RALGPS1: variants seen among roughly 807,000 people sequenced by gnomAD.
RALGPS1 encodes ras-specific guanine nucleotide-releasing factor RalGPS1.
Under a neutral mutation model 78.8 loss-of-function variants are expected in RALGPS1, and 19 were observed. The observed-to-expected ratio is 0.24, with a 90% CI of 0.17 to 0.35. The LOEUF is 0.35. Ranked by LOEUF, RALGPS1 falls within the 10% of genes least tolerant of loss-of-function variation. The probability of loss-of-function intolerance (pLI) is 1.00; values close to 1 mark genes in which losing one functional copy is unlikely to be tolerated. For synonymous variants in RALGPS1, 228 were observed against 256.3 expected, an observed-to-expected ratio of 0.89 and a Z score of 1.06; for missense variants, 454 against 688.3, an observed-to-expected ratio of 0.66 and a Z score of 3.81.
chr9:127,048,950 T>C (rs1459509215), intron 5 of RALGPS1, among the ~76,000 whole-genome samples: 7 of 152,264 alleles, frequency 4.6e-5, no homozygotes, highest in African/African-American at 1.7e-4. Context: ...TGTTGATTCT[T>C]GGTTTCTCTT....
At chr9:127,108,634 C>A (rs771374120) in intron 8 of RALGPS1, 1 of 1,613,736 alleles carries the variant, frequency 6.2e-7, no homozygotes, top group South Asian at 1.1e-5. Context: ...TCTTGGCGAG[C>A]CCTCCTCAGT....
chr9:127,152,709 T>A (rs1251170826), intron 8 of RALGPS1, among the ~76,000 whole-genome samples: 2 of 152,154 alleles, frequency 1.3e-5, no homozygotes, highest in Non-Finnish European at 2.9e-5. Flanking sequence ...TAAGTCTTAG[T>A]TGGTAAGGAG....
intron 1 of RALGPS1, among the ~76,000 whole-genome samples, chr9:126,923,299 G>A (rs923043481): frequency 2.0e-4 from 30 of 152,174 alleles, no homozygotes; most frequent in African/African-American, 7.0e-4. Context: ...AGCTTAGAGA[G>A]GTTAAACACA....
chr9:127,195,193 G>C lies in RALGPS1; in HGVS notation c.1013G>C (p.Arg338Thr). The C allele has an allele frequency of 6.2e-7, 1 of 1,611,758 alleles. No individual in the cohort carries two copies. The highest frequency in any genetic ancestry group is 1.1e-5 in the South Asian group (1 of 91,084). ...SLPTPPVPRH[R>T]KSHSLGNNMM... Reference sequence around the variant, plus strand: ...CCCACACCTCCAGTCCCCAGACACAGGAAGAGCCACAGCCTAGGCAACAAG... The same window carrying C: ...CCCACACCTCCAGTCCCCAGACACACGAAGAGCCACAGCCTAGGCAACAAG... Residue 338 changes from arginine (R) to threonine (T), a missense_variant, in exon 12 of 19, where the codon AGG becomes ACG. By Grantham distance (71) the Arg-to-Thr change is moderately conservative (BLOSUM62 -1). Transcript: ENST00000259351.
At chr9:126,962,172 TG>T (rs2038952409) in intron 1 of RALGPS1, 52 bp from the exon 2 acceptor site, 1 of 938,912 alleles carries the variant, frequency 1.1e-6, no homozygotes, top group Non-Finnish European at 1.7e-6. Flanking sequence ...TGCCTGGGGG[TG>T]GGGATAAATT....
intron 8 of RALGPS1, among the ~76,000 whole-genome samples, chr9:127,141,616 C>CAAAAAAAAAAAA (rs61291398): frequency 1.0e-4 from 7 of 68,658 alleles, no homozygotes; most frequent in Non-Finnish European, 1.0e-4. Context: ...TTTTTAATGG[C>CAAAAAAAAAAAA]AAAAAAAAAA....
At chr9:126,949,007 T>G (rs1183719433) in intron 1 of RALGPS1, among the ~76,000 whole-genome samples, 1 of 148,868 alleles carries the variant, frequency 6.7e-6, no homozygotes, top group African/African-American at 2.5e-5. Flanking sequence ...TGATGTTCCC[T>G]TCCTGTGTCC....
intron 1 of RALGPS1, among the ~76,000 whole-genome samples, chr9:126,939,060 C>T (rs2036522994): frequency 6.6e-6 from 1 of 152,180 alleles, no homozygotes; most frequent in African/African-American, 2.4e-5. Flanking sequence ...AGCGGAGCCA[C>T]TTCTAAGGGC....
chr9:127,052,805 G>C, intron 6 of RALGPS1, 42 bp from the exon 7 acceptor site: 1 of 1,325,570 alleles, frequency 7.5e-7, no homozygotes, highest in Non-Finnish European at 1.1e-6. Flanking sequence ...TTGTTCTGTT[G>C]TTTATAGCAG....
At chr9:127,186,642 T>C (rs973038345) in intron 11 of RALGPS1, among the ~76,000 whole-genome samples, 2 of 152,234 alleles carry the variant, frequency 1.3e-5, no homozygotes, top group Non-Finnish European at 2.9e-5. Context: ...TGGGAATTCT[T>C]CTGCTTCCGC....
chr9:126,996,982 AC>A (rs2042828016), intron 4 of RALGPS1, among the ~76,000 whole-genome samples: 1 of 151,010 alleles, frequency 6.6e-6, no homozygotes, highest in African/African-American at 2.4e-5. Flanking sequence ...AAATTCAACA[AC>A]GCTTCATGCT....
At chr9:127,089,635 A>G (rs2052213372) in intron 8 of RALGPS1, among the ~76,000 whole-genome samples, 1 of 152,212 alleles carries the variant, frequency 6.6e-6, no homozygotes, top group Non-Finnish European at 1.5e-5. Context: ...GAAAGTGTTT[A>G]AGAAGAAATG....
In RALGPS1 at chr9:127,183,883, C is replaced by T. The variant is rs1382468627; in HGVS notation, c.910+9101C>T. 6.5e-7 allele frequency: 1 copy of T among 1,549,408 alleles called. No individual in the cohort carries two copies. Among genetic ancestry groups the T allele is most frequent in the African/African-American group, 1.4e-5 (1 of 73,040 alleles). ...GTTCTTGAGTCTCCCATCTCAGCAG[C>T]CTGTCACATCAAGGTCAAGCAGAAG... On this transcript the variant is annotated intron_variant, in intron 11 of 18. Coordinates refer to ENST00000259351, the MANE Select transcript of RALGPS1 (RefSeq NM_014636.3). The surrounding 1 kb of genome is among the most constrained non-coding windows in gnomAD (Gnocchi z 4.0).
At chr9:127,169,458 G>A (rs1429750532) in intron 10 of RALGPS1, among the ~76,000 whole-genome samples, 4 of 152,078 alleles carry the variant, frequency 2.6e-5, no homozygotes, top group Admixed American at 6.5e-5. Context: ...GGGAAAAGAA[G>A]GATTTTTTTC....
chr9:127,085,675 G>A (rs990345671), intron 8 of RALGPS1, among the ~76,000 whole-genome samples: 7 of 152,146 alleles, frequency 4.6e-5, no homozygotes, highest in Non-Finnish European at 1.0e-4. Flanking sequence ...GCTTTCATTT[G>A]AATCCTAACT....
intron 1 of RALGPS1, among the ~76,000 whole-genome samples, chr9:126,940,619 T>C (rs1346831721): frequency 6.6e-6 from 1 of 151,940 alleles, no homozygotes; most frequent in Non-Finnish European, 1.5e-5. Context: ...TTTTTTGTAT[T>C]TGTAGTAGAG....
intron 1 of RALGPS1, among the ~76,000 whole-genome samples, chr9:126,923,388 A>G (rs1469190288): frequency 6.6e-6 from 1 of 152,204 alleles, no homozygotes; most frequent in African/African-American, 2.4e-5. Context: ...GGCTGCCTCA[A>G]GGTGTGGCTT....
chr9:127,201,021 G>T (rs2061603961), intron 14 of RALGPS1, among the ~76,000 whole-genome samples: 1 of 152,216 alleles, frequency 6.6e-6, no homozygotes, highest in African/African-American at 2.4e-5. Flanking sequence ...TGAAGGTGTA[G>T]CAGATATAGT....
chr9:127,155,342 G>A (rs894524938), intron 8 of RALGPS1, among the ~76,000 whole-genome samples: 1 of 152,190 alleles, frequency 6.6e-6, no homozygotes, highest in Non-Finnish European at 1.5e-5. Context: ...TGCTGTAATC[G>A]AGGAAAGGAC....
Sources: gnomAD v4.1 joint callset for allele counts (sites outside exome capture counted in the v4.1 genomes callset) on GRCh38, gnomAD v4.1.1 for gene constraint, Gnocchi (gnomAD v3.1) non-coding constraint, MANE v1.5 for transcripts, NCBI Gene and HGNC (gene_info 2026-07-23, HGNC 2026-07-21) for gene names.